The following RALYL variants were observed in gnomAD, a reference collection of about 807,000 sequenced individuals.
The protein encoded by RALYL is RNA-binding Raly-like protein.
A neutral mutation model predicts 35.1 loss-of-function variants in RALYL; 29 were observed. The observed-to-expected ratio is 0.83, with a 90% confidence interval of 0.61 to 1.13. RALYL has a LOEUF of 1.13. RALYL is among the 50% of genes most tolerant of loss of function. The probability of loss-of-function intolerance (pLI) is 0.00; values close to 1 mark genes in which losing one functional copy is unlikely to be tolerated. For missense variants in RALYL, 359 were observed against 360.4 expected (o/e 1.00, Z 0.03); for synonymous variants, 120 against 127.6 (o/e 0.94, Z 0.40).
chr8:84,309,239 A>G (rs892632381), intron 1 of RALYL, among the ~76,000 whole-genome samples: 1 of 151,540 alleles, frequency 6.6e-6, no homozygotes, highest in South Asian at 2.1e-4. Context: ...TTAATGTTGT[A>G]TAATGCTATA....
intron 1 of RALYL, among the ~76,000 whole-genome samples, chr8:84,479,226 C>A (rs944210147): frequency 6.6e-6 from 1 of 150,426 alleles, no homozygotes; most frequent in Non-Finnish European, 1.5e-5. Context: ...TTGCTTTTCC[C>A]GAAGATTCTG....
intron 1 of RALYL, among the ~76,000 whole-genome samples, chr8:84,503,863 CAAAG>C (rs1018989199): frequency 1.8e-5 from 2 of 111,500 alleles, no homozygotes; most frequent in Non-Finnish European, 3.9e-5. Context: ...GACTCTGTCT[CAAAG>C]AAAAAAAAAT....
At chr8:84,399,418 G>C (rs549149429) in intron 1 of RALYL, among the ~76,000 whole-genome samples, 1 of 152,232 alleles carries the variant, frequency 6.6e-6, no homozygotes, top group South Asian at 2.1e-4. Flanking sequence ...AAAATGTACA[G>C]GAACATAGAT....
In RALYL at chr8:84,274,844, A is replaced by G. The variant is rs183875809; in HGVS notation, c.-24+90420A>G. On this transcript the variant is annotated intron_variant, in intron 1 of 8. Transcript: ENST00000521268. ...CTTCTTATGGTAGTTTTTTTGCCAT[A>G]TGGCATCTGAAAGAGACAGTCTTCA... Among the ~76,000 whole-genome samples, 4 of 152,290 alleles carry G rather than the reference A, an allele frequency of 2.6e-5. No individual in the cohort carries two copies. In the East Asian group the frequency reaches 7.7e-4, roughly 29 times the overall value.
At chr8:84,576,198 G>A (rs936089129) in intron 2 of RALYL, among the ~76,000 whole-genome samples, 12 of 152,058 alleles carry the variant, frequency 7.9e-5, no homozygotes, top group Non-Finnish European at 1.6e-4. Flanking sequence ...TTTGGACTGT[G>A]AAAGTAAACA....
intron 1 of RALYL, among the ~76,000 whole-genome samples, chr8:84,392,492 T>C (rs1198008445): frequency 6.6e-6 from 1 of 152,076 alleles, no homozygotes; most frequent in African/African-American, 2.4e-5. Context: ...GATACCTTAG[T>C]GCATTTGCAG....
chr8:84,514,605 C>T (rs571895841), intron 1 of RALYL, among the ~76,000 whole-genome samples: 66 of 152,124 alleles, frequency 4.3e-4, no homozygotes, highest in Non-Finnish European at 8.8e-4. Flanking sequence ...GTCACTAATT[C>T]CATTCATGAG....
At chr8:84,520,971 T>G (rs1329274146) in intron 1 of RALYL, among the ~76,000 whole-genome samples, 1 of 152,174 alleles carries the variant, frequency 6.6e-6, no homozygotes, top group Non-Finnish European at 1.5e-5. Context: ...CAGAGGGAGC[T>G]TATTCCATTT....
intron 1 of RALYL, among the ~76,000 whole-genome samples, chr8:84,225,965 TAGA>T (rs1291395159): frequency 2.0e-5 from 3 of 152,198 alleles, no homozygotes; most frequent in Non-Finnish European, 2.9e-5. Flanking sequence ...GTGAGTTTAA[TAGA>T]AGGAGTGGAG....
chr8:84,751,888 T>A (rs1443678180), intron 2 of RALYL, among the ~76,000 whole-genome samples: 1 of 152,162 alleles, frequency 6.6e-6, no homozygotes, highest in Non-Finnish European at 1.5e-5. Flanking sequence ...TCTCAGGTAG[T>A]TGTTTATAGC....
At chr8:84,267,048 C>A (rs112516104) in intron 1 of RALYL, among the ~76,000 whole-genome samples, 3,252 of 151,510 alleles carry the variant, frequency 0.021, 46 homozygotes, top group South Asian at 0.031. Flanking sequence ...ACTGAGAGAG[C>A]GTATAAACAT....
intron 1 of RALYL, among the ~76,000 whole-genome samples, chr8:84,194,392 G>A (rs1337099302): frequency 6.6e-6 from 1 of 151,486 alleles, no homozygotes; most frequent in Non-Finnish European, 1.5e-5. Flanking sequence ...TCCTTTCTTT[G>A]GAACATTTTG....
intron 4 of RALYL, among the ~76,000 whole-genome samples, chr8:84,812,578 C>T (rs1826164347): frequency 6.6e-6 from 1 of 152,106 alleles, no homozygotes; most frequent in African/African-American, 2.4e-5. Context: ...TGTCCGAGCT[C>T]AGGCTCTCCT....
chr8:84,753,858 GT>G (rs1301483215), intron 2 of RALYL, among the ~76,000 whole-genome samples: 1 of 152,166 alleles, frequency 6.6e-6, no homozygotes, highest in African/African-American at 2.4e-5. Context: ...ATATCTCATA[GT>G]GGTTTTGATT....
intron 1 of RALYL, among the ~76,000 whole-genome samples, chr8:84,352,196 T>G (rs1851031304): frequency 6.6e-6 from 1 of 150,466 alleles, no homozygotes; most frequent in East Asian, 1.9e-4. Flanking sequence ...TCAGTGCTAG[T>G]AATATAAATC....
intron 2 of RALYL, among the ~76,000 whole-genome samples, chr8:84,597,569 T>G (rs1411536319): frequency 6.6e-6 from 1 of 152,090 alleles, no homozygotes; most frequent in East Asian, 1.9e-4. Flanking sequence ...TTCACCCTAA[T>G]GATGTATCTA....
chr8:84,543,122 G>C (rs893191066), intron 2 of RALYL, among the ~76,000 whole-genome samples: 1 of 151,942 alleles, frequency 6.6e-6, no homozygotes, highest in Non-Finnish European at 1.5e-5. Context: ...ATTATATCTA[G>C]AGGCTTGATT....
At chr8:84,881,461 G>A (rs1396237086) in intron 7 of RALYL, among the ~76,000 whole-genome samples, 1 of 151,924 alleles carries the variant, frequency 6.6e-6, no homozygotes. Context: ...AAGCCAGCAT[G>A]TCAAAAAACT....
chr8:84,594,041 A>G (rs1385947525), intron 2 of RALYL, among the ~76,000 whole-genome samples: 1 of 151,930 alleles, frequency 6.6e-6, no homozygotes, highest in African/African-American at 2.4e-5. Context: ...ATCAGCTTCC[A>G]CCATGTTTTC....
Sources: gnomAD v4.1 joint callset for allele counts (sites outside exome capture counted in the v4.1 genomes callset) on GRCh38, gnomAD v4.1.1 for gene constraint, MANE v1.5 for transcripts, NCBI Gene and HGNC (gene_info 2026-07-23, HGNC 2026-07-21) for gene names.